COL5A3: variants seen among roughly 807,000 people sequenced by gnomAD.
COL5A3 encodes collagen type V alpha 3 chain, also known as collagen alpha-3(V) chain.
In COL5A3, 172 loss-of-function variants were observed where a neutral mutation model predicts 250.0. The ratio of observed to expected loss-of-function variants is 0.69; its 90% confidence interval spans 0.61 to 0.78. COL5A3 has a LOEUF of 0.78. Among genes scored for constraint, COL5A3 ranks in the 30% least tolerant of loss-of-function variants. The pLI, the probability that COL5A3 is intolerant of heterozygous loss-of-function variation, is 0.00. For missense variants in COL5A3, 2,340 were observed against 2,334.4 expected (o/e 1.00, Z -0.05); for synonymous variants, 937 against 900.4 (o/e 1.04, Z -0.73).
intron 31 of COL5A3, among the ~76,000 whole-genome samples, chr19:9,983,540 GAAAGAA>G (rs1180918548): frequency 6.1e-4 from 11 of 17,904 alleles, no homozygotes; most frequent in Admixed American, 3.4e-3. Context: ...AAGAAAGAAA[GAAAGAA>G]AGAAAGAAAG....
intron 16 of COL5A3, among the ~76,000 whole-genome samples, chr19:9,994,534 A>G (rs1209030519): frequency 7.5e-6 from 1 of 133,914 alleles, no homozygotes; most frequent in East Asian, 2.3e-4. Flanking sequence ...TCTGTTGCCC[A>G]GGCTGGAGTT....
At chr19:10,004,946 T>A (rs2087420393) in intron 4 of COL5A3, among the ~76,000 whole-genome samples, 1 of 151,994 alleles carries the variant, frequency 6.6e-6, no homozygotes, top group South Asian at 2.1e-4. Flanking sequence ...GTAGGCGCTG[T>A]CACAATTTAT....
At position 9,978,579 on chromosome 19, in the gene COL5A3, C is replaced by T. The variant is rs757275345; in HGVS notation, c.3013G>A (p.Ala1005Thr). The T allele has an allele frequency of 2.5e-6, 4 of 1,578,848 alleles. No homozygotes were observed. The highest frequency in any genetic ancestry group is 2.6e-6 in the Non-Finnish European group (3 of 1,160,516). The change falls in exon 41 of 67, where the codon GCC (alanine) becomes ACC (threonine). Residue 1005 changes from alanine to threonine, a missense_variant. This residue lies in a region of COL5A3 where 1,179 missense variants were observed against 1,162.6 expected (regional missense o/e 1.01). Transcript: ENST00000264828. The part of the protein sequence containing the change: ...GDKGPPGPVG[A>T]NGSPGERGPL... ...GCACATGGGGTTATACTTACATTGG[C>T]CCCCACGGGCCCTGGGGGGCCCTTA...
intron 64 of COL5A3, among the ~76,000 whole-genome samples, chr19:9,964,897 A>G (rs2086718772): frequency 1.7e-5 from 2 of 117,840 alleles, no homozygotes; most frequent in African/African-American, 3.7e-5. Flanking sequence ...AAAAAAAAAA[A>G]AATCAGCTGG....
chr19:9,970,000 G>C (rs986586654), intron 54 of COL5A3, 78 bp from the exon 55 acceptor site: 1 of 1,121,754 alleles, frequency 8.9e-7, no homozygotes, highest in African/African-American at 1.8e-5. Flanking sequence ...GGGTGACTGG[G>C]GGGTTATGGA....
intron 15 of COL5A3, 89 bp downstream of exon 15, chr19:9,995,976 CT>C (rs1472998340): frequency 7.9e-7 from 1 of 1,265,124 alleles, no homozygotes; most frequent in African/African-American, 1.5e-5. Flanking sequence ...TCCCCAGCCC[CT>C]TTGGCACTTT....
Position 9,994,423 on chromosome 19 carries a change from A to T in COL5A3, c.1588-617T>A, listed in dbSNP as rs763650955. Among the ~76,000 whole-genome samples the T allele has an allele frequency of 2.0e-5, 3 of 151,658 alleles. No individual in the cohort carries two copies. The East Asian group carries it at 5.8e-4, about 29-fold the overall frequency. On this transcript the variant is annotated intron_variant, in intron 16 of 66. Coordinates refer to ENST00000264828, the MANE Select transcript of COL5A3 (RefSeq NM_015719.4). ...GGTCTCAAACTCCTGGGCTCAAGCC[A>T]TCCTTTCACCTCAGCCTCCCAAAGT...
rs1180548614 is a variant in COL5A3, at chr19:9,993,686, C to A, written c.1642-14G>T. 6.2e-7 allele frequency: 1 copy of A among 1,614,102 alleles called. No homozygotes were observed. Among genetic ancestry groups the A allele is most frequent in the South Asian group, 1.1e-5 (1 of 91,078 alleles). ...GCCACGATCACCCTGTCCAGAGACA[C>A]CAGTGAGCCTTGACCCCATAAGCCT... On this transcript the variant is annotated splice_polypyrimidine_tract_variant and intron_variant, in intron 17 of 66. Coordinates refer to ENST00000264828, the MANE Select transcript of COL5A3 (RefSeq NM_015719.4).
chr19:10,002,948 C>T lies in COL5A3; in HGVS notation c.849+617G>A, dbSNP rs149492206. 5.0e-4 allele frequency among the ~76,000 whole-genome samples: 76 copies of T among 152,174 alleles called. 2 individuals carry two copies. Among genetic ancestry groups the T allele is most frequent in the African/African-American group, 1.8e-3 (74 of 41,512 alleles). On this transcript the variant is annotated intron_variant, in intron 6 of 66. Coordinates refer to ENST00000264828, the MANE Select transcript of COL5A3 (RefSeq NM_015719.4). ...CACCAACAACCCCCCAGTCATTGAC[C>T]CCAAACTAGGGACATCAGTAACACC...
In COL5A3 at chr19:10,009,449, AT is replaced by A. The variant is rs2145153268; in HGVS notation, c.88+848del. The stretch of plus-strand genomic sequence containing the variant: ...GGGACCCCTTGGGGGCTCCTGAGAA[AT>A]TCCTCGGGAAAAACACCCAAGGCTC... On this transcript the variant is annotated intron_variant, in intron 1 of 66. Coordinates refer to ENST00000264828, the MANE Select transcript of COL5A3 (RefSeq NM_015719.4). The surrounding 1 kb of genome is among the most constrained non-coding windows in gnomAD (Gnocchi z 4.4). 6.9e-6 allele frequency among the ~76,000 whole-genome samples: 1 copy of A among 144,524 alleles called. No individual in the cohort carries two copies. Among genetic ancestry groups the A allele is most frequent in the Non-Finnish European group, 1.5e-5 (1 of 65,406 alleles). 94.8% of individuals were successfully genotyped at this position (144,524 alleles called of 152,430 possible).
intron 29 of COL5A3, 25 bp downstream of exon 29, chr19:9,986,528 A>C (rs2087102825): frequency 1.9e-6 from 3 of 1,608,982 alleles, no homozygotes; most frequent in African/African-American, 1.4e-5. Flanking sequence ...GACCCACACC[A>C]CCCCTCATCT....
In COL5A3 at chr19:9,996,497, G is replaced by A. The variant is rs780783103; in HGVS notation, c.1358C>T (p.Ser453Phe). The change falls in exon 13 of 67, where the codon TCC becomes TTC. Residue 453 changes from serine to phenylalanine, a missense_variant. This residue lies in a region of COL5A3 where 1,152 missense variants were observed against 1,146.3 expected (regional missense o/e 1.00). Coordinates refer to ENST00000264828, the MANE Select transcript of COL5A3 (RefSeq NM_015719.4). ...IMMPFQFAGG[S>F]FKGPPVSFQQ... Reference sequence around the variant, plus strand: ...GAATGAGACTGGGGGGCCTTTAAAGGAGCCGCCTGCAAACTGGAACTGGGA... The same window carrying A: ...GAATGAGACTGGGGGGCCTTTAAAGAAGCCGCCTGCAAACTGGAACTGGGA... 1 of 1,614,138 alleles carries A rather than the reference G, an allele frequency of 6.2e-7. No individual in the cohort carries two copies. The highest frequency in any genetic ancestry group is 1.7e-5 in the Admixed American group (1 of 60,024).
At chr19:9,993,507 G>A in intron 18 of COL5A3, 74 bp from the exon 19 acceptor site, 2 of 1,579,448 alleles carry the variant, frequency 1.3e-6, no homozygotes, top group Non-Finnish European at 1.7e-6. Context: ...GAAGGCAGAT[G>A]GGGTGTGAGG....
In COL5A3 at chr19:9,993,075, A is replaced by T; in HGVS notation, c.1750-8T>A. 1 of 1,613,780 alleles carries T rather than the reference A, an allele frequency of 6.2e-7. No homozygotes were observed. Among genetic ancestry groups the T allele is most frequent in the South Asian group, 1.1e-5 (1 of 91,064 alleles). On this transcript the variant is annotated splice_polypyrimidine_tract_variant and splice_region_variant and intron_variant, in intron 19 of 66. Coordinates refer to ENST00000264828, the MANE Select transcript of COL5A3 (RefSeq NM_015719.4). Reference sequence around the variant, plus strand: ...TGGAGGTCCCTCTGCTCCCTGTGGAAAAGCGTCATTACTTGGGAACAGGAA... The same window carrying T: ...TGGAGGTCCCTCTGCTCCCTGTGGATAAGCGTCATTACTTGGGAACAGGAA...
rs368019895 is a variant in COL5A3 at position 9,967,885 on chromosome 19, G to C, written c.4404+19C>G. ...GGGGAGCTGGGATGTGTAAGCCCAC[G>C]GAAGCAGGGTGTACTCACCGGAGAC... On this transcript the variant is annotated intron_variant, in intron 61 of 66. Coordinates refer to ENST00000264828, the MANE Select transcript of COL5A3 (RefSeq NM_015719.4). 1 of 1,611,398 alleles carries C rather than the reference G, an allele frequency of 6.2e-7. No individual in the cohort carries two copies. The highest frequency in any genetic ancestry group is 8.5e-7 in the Non-Finnish European group (1 of 1,179,058).
intron 24 of COL5A3, 30 bp downstream of exon 24, chr19:9,991,580 G>A: frequency 1.9e-6 from 3 of 1,556,382 alleles, no homozygotes; most frequent in Non-Finnish European, 2.6e-6. Context: ...AAGACTTGAG[G>A]AGGTCGCGGT....
rs776004507 is a variant in COL5A3 at position 9,997,415 on chromosome 19, C to T, written c.1219G>A (p.Gly407Ser). The T allele has an allele frequency of 6.2e-7, 1 of 1,608,852 alleles. No individual in the cohort carries two copies. Among genetic ancestry groups the T allele is most frequent in the Non-Finnish European group, 8.5e-7 (1 of 1,178,220 alleles). The change falls in exon 11 of 67, where the codon GGC (glycine) becomes AGC (serine). Residue 407 changes from glycine (G) to serine (S), a missense_variant. Transcript: ENST00000264828. Reference protein sequence around the residue: ...PGPQGVVGPSGPPGPPGFPGD... With the variant: ...PGPQGVVGPSSPPGPPGFPGD... ...GGGAATCCTGGGGGGCCGGGAGGGC[C>T]TGAGGGGCCAACCACCCCCTGTTGG... is the stretch of plus-strand genomic sequence containing the variant.
chr19:9,976,740 A>C, intron 44 of COL5A3, 129 bp from the exon 45 acceptor site: 1 of 691,156 alleles, frequency 1.4e-6, no homozygotes, highest in Non-Finnish European at 2.4e-6. Context: ...AGCAACAGCT[A>C]CATCCCCCCA....
intron 36 of COL5A3, 38 bp downstream of exon 36, chr19:9,979,956 C>T (rs2086983658): frequency 6.3e-7 from 1 of 1,576,660 alleles, no homozygotes; most frequent in East Asian, 2.3e-5. Context: ...CCCACATCCT[C>T]CACCCACCCA....
Sources: gnomAD v4.1 joint callset for allele counts (sites outside exome capture counted in the v4.1 genomes callset) on GRCh38, gnomAD v4.1.1 for gene constraint, gnomAD v4.1.1 regional missense constraint, Gnocchi (gnomAD v3.1) non-coding constraint, MANE v1.5 for transcripts, NCBI Gene and HGNC (gene_info 2026-07-23, HGNC 2026-07-21) for gene names.